Variants in INTS7 observed in about 807,000 individuals in gnomAD.
INTS7 encodes chromosome 1 open reading frame 73.
A neutral mutation model predicts 109.2 loss-of-function variants in INTS7; 46 were observed. The ratio of observed to expected loss-of-function variants is 0.42; its 90% confidence interval spans 0.33 to 0.54. The LOEUF (loss-of-function observed/expected upper bound fraction) is 0.54. Ranked by LOEUF, INTS7 falls within the 20% of genes least tolerant of loss-of-function variation. The pLI, the probability that INTS7 is intolerant of heterozygous loss-of-function variation, is 0.07. For missense variants in INTS7, 929 were observed against 1,132.4 expected (o/e 0.82, Z 2.58); for synonymous variants, 412 against 402.9 (o/e 1.02, Z -0.27).
chr1:212,033,259 G>A (rs1276334894), intron 1 of INTS7, among the ~76,000 whole-genome samples: 1 of 152,118 alleles, frequency 6.6e-6, no homozygotes, highest in African/African-American at 2.4e-5. Context: ...ACTTTAACAG[G>A]TACAAGATGA....
intron 17 of INTS7, among the ~76,000 whole-genome samples, chr1:211,947,948 C>T (rs77953788): frequency 0.016 from 2,470 of 152,318 alleles, 67 homozygotes; most frequent in African/African-American, 0.056. Context: ...AGGCCGCCTT[C>T]AGCCAGATCT....
At chr1:212,019,021 G>A (rs1045865122) in intron 3 of INTS7, among the ~76,000 whole-genome samples, 11 of 152,150 alleles carry the variant, frequency 7.2e-5, no homozygotes, top group African/African-American at 1.9e-4. Context: ...AGGCCGAAGC[G>A]GGCAGATCAC....
intron 13 of INTS7, 23 bp downstream of exon 13, chr1:211,975,143 A>G: frequency 6.6e-7 from 1 of 1,521,802 alleles, no homozygotes; most frequent in Non-Finnish European, 9.1e-7. Context: ...CATCACCACC[A>G]AAGGTGAATT....
rs544000641 is a variant in INTS7, at chr1:211,959,443, T to C, written c.2184-6742A>G. 6.6e-6 allele frequency among the ~76,000 whole-genome samples: 1 copy of C among 152,256 alleles called. No homozygotes were observed. Among genetic ancestry groups the C allele is most frequent in the South Asian group, 2.1e-4 (1 of 4,820 alleles). On this transcript the variant is annotated intron_variant, in intron 16 of 19. Coordinates refer to ENST00000366994, the MANE Select transcript of INTS7 (RefSeq NM_015434.4). The surrounding 1 kb of genome is among the most constrained non-coding windows in gnomAD (Gnocchi z 4.2). ...CTTGTGGACTGCGCCTAACTGGTAG[T>C]GAGCTCCAGCACAGCGGCCCAGCAT...
chr1:211,987,919 T>C lies in INTS7; in HGVS notation c.964A>G (p.Ile322Val), dbSNP rs1337688821. ...ATACTGAAGTAATGTTTGATGGCGA[T>C]GGTCCCTGATAGTGTGGAAAGGACA... ...LSVLSTLSGT[I>V]AIKHYFSIVP... The change falls in exon 8 of 20, where the codon ATC (isoleucine) becomes GTC (valine). Residue 322 changes from isoleucine (I) to valine (V), a missense_variant. Ile to Val is a conservative substitution (Grantham distance 29, BLOSUM62 3). Around this residue, in one of 2 missense-constraint regions of INTS7, gnomAD observed 787 missense variants for 901.1 expected, o/e 0.87. Transcript: ENST00000366994. The C allele has an allele frequency of 1.2e-6, 2 of 1,608,570 alleles. No homozygotes were observed. The highest frequency in any genetic ancestry group is 3.3e-5 in the Admixed American group (2 of 59,930).
At chr1:212,003,545 T>C (rs1205908462) in intron 7 of INTS7, among the ~76,000 whole-genome samples, 3 of 152,090 alleles carry the variant, frequency 2.0e-5, no homozygotes, top group Non-Finnish European at 4.4e-5. Flanking sequence ...AACTAGGAAA[T>C]AGCTGAGATG....
chr1:211,959,291 C>T lies in INTS7; in HGVS notation c.2184-6590G>A, dbSNP rs895235560. 1.3e-5 allele frequency among the ~76,000 whole-genome samples: 2 copies of T among 152,200 alleles called. No individual in the cohort carries two copies. The highest frequency in any genetic ancestry group is 4.8e-5 in the African/African-American group (2 of 41,444). Reference sequence around the variant, plus strand: ...CCTAAGGGAACTGTCAGACCTCAAGCCTACAGAGCAGTCTTGACGATCAGA... The same window carrying T: ...CCTAAGGGAACTGTCAGACCTCAAGTCTACAGAGCAGTCTTGACGATCAGA... On this transcript the variant is annotated intron_variant, in intron 16 of 19. Transcript: ENST00000366994. The surrounding 1 kb of genome is among the most constrained non-coding windows in gnomAD (Gnocchi z 4.2).
At chr1:212,016,430 C>T (rs1161677530) in intron 4 of INTS7, among the ~76,000 whole-genome samples, 1 of 152,214 alleles carries the variant, frequency 6.6e-6, no homozygotes, top group African/African-American at 2.4e-5. Flanking sequence ...TGTAAAACAA[C>T]AGTGTAGGAC....
In INTS7 at chr1:211,968,501, G is replaced by A. The variant is rs780957391; in HGVS notation, c.2010+12C>T. The stretch of plus-strand genomic sequence containing the variant: ...AGTGTAAATAAAAAATGCACTGAAA[G>A]TTAAGACATGCCTGATTGGAGATGC... On this transcript the variant is annotated intron_variant, in intron 14 of 19. Transcript: ENST00000366994. 5 of 1,601,832 alleles carry A rather than the reference G, an allele frequency of 3.1e-6. No individual in the cohort carries two copies. The highest frequency in any genetic ancestry group is 1.3e-5 in the African/African-American group (1 of 74,324).
Position 211,944,965 on chromosome 1 carries a change from G to A in INTS7, c.2420C>T (p.Ala807Val). ...AGGATTCCGGGGCGATGGTGACAGA[G>A]CAAGCTGGAATGCCAACACTCAAAT... ...QKLQSTSIKL[A>V]LSPSPRNPAE... The change falls in exon 19 of 20, where the codon GCT becomes GTT. Residue 807 changes from alanine to valine, a missense_variant. Ala to Val is a moderately conservative substitution (Grantham distance 64). Transcript: ENST00000366994. 1 of 1,613,236 alleles carries A rather than the reference G, an allele frequency of 6.2e-7. No homozygotes were observed. Among genetic ancestry groups the A allele is most frequent in the Non-Finnish European group, 8.5e-7 (1 of 1,179,516 alleles).
chr1:211,953,404 TTTATTATCA>T (rs1663203707), intron 16 of INTS7, among the ~76,000 whole-genome samples: 1 of 152,112 alleles, frequency 6.6e-6, no homozygotes, highest in Non-Finnish European at 1.5e-5. Context: ...ATTTTTTAAT[TTTATTATCA>T]TTATACTTTA....
intron 7 of INTS7, among the ~76,000 whole-genome samples, chr1:211,989,380 T>C (rs1030028162): frequency 3.7e-5 from 5 of 135,292 alleles, no homozygotes; most frequent in African/African-American, 1.6e-4. Flanking sequence ...TATATCCCTG[T>C]TTTTTTTTTT....
intron 16 of INTS7, among the ~76,000 whole-genome samples, chr1:211,960,841 C>T (rs750359878): frequency 1.3e-5 from 2 of 151,810 alleles, no homozygotes; most frequent in African/African-American, 4.8e-5. Context: ...GTTGAAATCC[C>T]GTCTTTACTA....
intron 13 of INTS7, among the ~76,000 whole-genome samples, chr1:211,969,078 A>G (rs1664041016): frequency 6.6e-6 from 1 of 151,988 alleles, no homozygotes; most frequent in Admixed American, 6.5e-5. Context: ...AGGTCAGGAG[A>G]TCAAGACCAC....
chr1:212,020,125 A>G lies in INTS7; in HGVS notation c.368T>C (p.Leu123Pro). The G allele has an allele frequency of 1.3e-6, 2 of 1,594,876 alleles. No individual in the cohort carries two copies. The highest frequency in any genetic ancestry group is 1.3e-5 in the African/African-American group (1 of 74,164). ...ATTATTATAATACGGTATATACCGG[A>G]GGGTGATGGCTCTTGCCACAGGATC... ...SNDPVARAIT[L>P]RMLGSLASII... is the part of the protein sequence containing the mutation. Residue 123 changes from leucine to proline, a missense_variant, in exon 3 of 20, where the codon CTC becomes CCC. By Grantham distance (98) the Leu-to-Pro change is moderately conservative (BLOSUM62 -3). Transcript: ENST00000366994.
At chr1:211,988,535 G>A (rs1291334245) in intron 7 of INTS7, among the ~76,000 whole-genome samples, 1 of 151,912 alleles carries the variant, frequency 6.6e-6, no homozygotes, top group East Asian at 1.9e-4. Context: ...CGACACTAGG[G>A]AAAAACTAAA....
intron 13 of INTS7, among the ~76,000 whole-genome samples, chr1:211,971,915 C>CAAAAAAAAAAA (rs745814699): frequency 2.1e-4 from 17 of 79,780 alleles, no homozygotes; most frequent in African/African-American, 2.4e-4. Context: ...AACTCAGTCT[C>CAAAAAAAAAAA]AAAAAAAAAA....
At chr1:211,948,251 C>T (rs920163120) in intron 17 of INTS7, among the ~76,000 whole-genome samples, 3 of 152,220 alleles carry the variant, frequency 2.0e-5, no homozygotes, top group Non-Finnish European at 2.9e-5. Flanking sequence ...TTGTGCCCAA[C>T]AGACTCATAG....
rs1382976846 is a variant in INTS7 at position 211,946,214 on chromosome 1, G to A, written c.2415+393C>T. Reference sequence around the variant, plus strand: ...AAACCAAAGGTAAGCCAGGCACAGTGGCTCATGCCTGTAATCCCAGCACTT... The same window carrying A: ...AAACCAAAGGTAAGCCAGGCACAGTAGCTCATGCCTGTAATCCCAGCACTT... On this transcript the variant is annotated intron_variant, in intron 18 of 19. Transcript: ENST00000366994. This position sits in a 1 kb window ranked among gnomAD's most constrained non-coding sequence, Gnocchi z 4.3. 1.3e-5 allele frequency among the ~76,000 whole-genome samples: 2 copies of A among 152,212 alleles called. No homozygotes were observed. The highest frequency in any genetic ancestry group is 4.8e-5 in the African/African-American group (2 of 41,458).
Sources: gnomAD v4.1 joint callset for allele counts (sites outside exome capture counted in the v4.1 genomes callset) on GRCh38, gnomAD v4.1.1 for gene constraint, gnomAD v4.1.1 regional missense constraint, Gnocchi (gnomAD v3.1) non-coding constraint, MANE v1.5 for transcripts, NCBI Gene and HGNC (gene_info 2026-07-23, HGNC 2026-07-21) for gene names.